Variants in NCKAP5 observed in about 807,000 individuals in gnomAD.
NCKAP5 encodes the protein nck-associated protein 5.
Under a neutral mutation model 167.0 loss-of-function variants are expected in NCKAP5, and 92 were observed. That is an observed-to-expected ratio of 0.55 (90% CI 0.47 to 0.66). The LOEUF is 0.66. Ranked by LOEUF, NCKAP5 falls within the 30% of genes least tolerant of loss-of-function variation. The probability of loss-of-function intolerance (pLI) is 0.00; values close to 1 mark genes in which losing one functional copy is unlikely to be tolerated. For synonymous variants in NCKAP5, 891 were observed against 877.4 expected (o/e 1.02, Z -0.27); for missense variants, 2,378 against 2,315.0 (o/e 1.03, Z -0.56).
chr2:132,879,645 G>T (rs1574498440), intron 8 of NCKAP5, among the ~76,000 whole-genome samples: 2 of 152,302 alleles, frequency 1.3e-5, no homozygotes, highest in Admixed American at 6.5e-5. Context: ...TCCACTGCAG[G>T]TTCCTGTCTG....
Position 132,839,784 on chromosome 2 carries a change from G to A in NCKAP5, c.807+20708C>T, listed in dbSNP as rs1229443054. Among the ~76,000 whole-genome samples the A allele has an allele frequency of 2.9e-5, 4 of 139,186 alleles. No individual in the cohort carries two copies. The South Asian group carries it at 9.2e-4, about 32-fold the overall frequency. 91.3% of individuals were successfully genotyped at this position (139,186 alleles called of 152,430 possible). A position where few individuals can be genotyped will look rare whatever the true frequency, so the allele number is the denominator to read the frequency against. On this transcript the variant is annotated intron_variant, in intron 11 of 19. Transcript: ENST00000409261. ...AAAAAAAAAAAAAAAAAAAAAAGGC[G>A]CAAATAACTACTAATAGCCTACTGT...
intron 8 of NCKAP5, among the ~76,000 whole-genome samples, chr2:132,940,984 A>C (rs1230783529): frequency 6.6e-6 from 1 of 152,142 alleles, no homozygotes; most frequent in Non-Finnish European, 1.5e-5. Context: ...ATTTTAAAAT[A>C]TTTTCTCCTA....
chr2:133,438,839 G>A (rs373039722), intron 3 of NCKAP5, among the ~76,000 whole-genome samples: 1 of 152,106 alleles, frequency 6.6e-6, no homozygotes, highest in Non-Finnish European at 1.5e-5. Flanking sequence ...ATTTTTTACT[G>A]CTGCTTTTGT....
chr2:133,648,261 T>TA, the NCKAP5 span, among the ~76,000 whole-genome samples: 91 of 151,094 alleles, frequency 6.0e-4, no homozygotes, highest in African/African-American at 1.4e-3. Context: ...CTAGATATAT[T>TA]AAAAAAAAAC....
At chr2:133,616,725 A>G in the NCKAP5 span, among the ~76,000 whole-genome samples, 1 of 152,152 alleles carries the variant, frequency 6.6e-6, no homozygotes, top group East Asian at 1.9e-4. Flanking sequence ...CCAGAGGTAC[A>G]AGGAGGAACT....
At chr2:133,423,477 C>G (rs1361405731) in intron 3 of NCKAP5, among the ~76,000 whole-genome samples, 1 of 152,060 alleles carries the variant, frequency 6.6e-6, no homozygotes, top group Non-Finnish European at 1.5e-5. Flanking sequence ...TTATTCAGAA[C>G]CCTTTTTGCT....
At chr2:133,327,997 T>G (rs1056882016) in intron 3 of NCKAP5, among the ~76,000 whole-genome samples, 7 of 152,096 alleles carry the variant, frequency 4.6e-5, no homozygotes, top group African/African-American at 1.7e-4. Flanking sequence ...CCCCAAGTAG[T>G]GCCCAGGTTG....
At chr2:133,198,756 GA>G (rs1376446723) in intron 5 of NCKAP5, among the ~76,000 whole-genome samples, 2 of 152,110 alleles carry the variant, frequency 1.3e-5, no homozygotes, top group Non-Finnish European at 2.9e-5. Context: ...AAAGTCACTG[GA>G]GGTAGTGTGA....
chr2:133,606,576 G>A, the NCKAP5 span, among the ~76,000 whole-genome samples: 21 of 152,142 alleles, frequency 1.4e-4, no homozygotes, highest in Non-Finnish European at 2.2e-4. Context: ...TAAAACAATC[G>A]TTCTCAAACT....
rs563929552 is a variant in NCKAP5, at chr2:132,961,310, A to G, written c.579+2410T>C. 4.2e-3 allele frequency among the ~76,000 whole-genome samples: 500 copies of G among 119,434 alleles called. 3 individuals are homozygous for G. The highest frequency in any genetic ancestry group is 0.02 in the African/African-American group (476 of 24,092). The allele number at this position is 119,434 out of a possible 152,430, so 78.4% of individuals were successfully genotyped here. A position where few individuals can be genotyped will look rare whatever the true frequency, so the allele number is the denominator to read the frequency against. ...TGAATTACATGTATGACAAAATGAC[A>G]TCTATATATAAGAAGATATATTTAT... On this transcript the variant is annotated intron_variant, in intron 8 of 19. Transcript: ENST00000409261.
intron 6 of NCKAP5, among the ~76,000 whole-genome samples, chr2:133,082,198 A>C (rs953521279): frequency 1.7e-4 from 26 of 152,038 alleles, no homozygotes; most frequent in African/African-American, 6.3e-4. Context: ...TTTTAAATGA[A>C]GGGTACATTA....
At chr2:133,092,543 C>T (rs2081219065) in intron 6 of NCKAP5, among the ~76,000 whole-genome samples, 1 of 152,170 alleles carries the variant, frequency 6.6e-6, no homozygotes. Flanking sequence ...TTCTTGGAAA[C>T]TGCAACTTTA....
intron 4 of NCKAP5, among the ~76,000 whole-genome samples, chr2:133,226,768 C>A (rs2086913382): frequency 6.6e-6 from 1 of 152,204 alleles, no homozygotes; most frequent in African/African-American, 2.4e-5. Context: ...CAGAGGCAAC[C>A]AACCTTGTCA....
chr2:133,669,787 C>T, the NCKAP5 span, among the ~76,000 whole-genome samples: 6 of 152,084 alleles, frequency 3.9e-5, no homozygotes, highest in Non-Finnish European at 7.4e-5. Flanking sequence ...CTTGTGTATA[C>T]CTTCTTTATA....
intron 11 of NCKAP5, among the ~76,000 whole-genome samples, chr2:132,824,610 A>G (rs1282175821): frequency 6.6e-6 from 1 of 152,208 alleles, no homozygotes; most frequent in African/African-American, 2.4e-5. Flanking sequence ...CCTATCACAT[A>G]AATCTAGCTC....
At chr2:133,491,340 T>A (rs1051349569) in intron 3 of NCKAP5, among the ~76,000 whole-genome samples, 41 of 152,306 alleles carry the variant, frequency 2.7e-4, no homozygotes, top group African/African-American at 9.6e-4. Flanking sequence ...TGGCCCAGCA[T>A]GAGCTACTTC....
intron 8 of NCKAP5, among the ~76,000 whole-genome samples, chr2:132,919,375 GTGTC>G (rs1294627751): frequency 6.6e-6 from 1 of 152,162 alleles, no homozygotes; most frequent in South Asian, 2.1e-4. Context: ...GGCAGAGACT[GTGTC>G]TGTCTATCTT....
At chr2:132,795,447 C>T (rs1684499667) in intron 12 of NCKAP5, among the ~76,000 whole-genome samples, 1 of 152,128 alleles carries the variant, frequency 6.6e-6, no homozygotes, top group Non-Finnish European at 1.5e-5. Context: ...TAGATTACTA[C>T]CCTGAATGAT....
chr2:133,248,488 A>G (rs1243311801), intron 4 of NCKAP5, among the ~76,000 whole-genome samples: 1 of 152,182 alleles, frequency 6.6e-6, no homozygotes, highest in Non-Finnish European at 1.5e-5. Flanking sequence ...GGAATATAAC[A>G]TGTGAGAGGA....
Sources: allele counts gnomAD v4.1 joint callset (sites outside exome capture counted in the v4.1 genomes callset), GRCh38; gene constraint gnomAD v4.1.1; transcripts MANE v1.5; gene names NCBI Gene and HGNC (gene_info 2026-07-23, HGNC 2026-07-21).